The following GLIPR1L1 variants were observed in gnomAD, a reference collection of about 807,000 sequenced individuals.
GLIPR1L1 encodes the protein GLIPR1-like protein 1.
Under a neutral mutation model 29.9 loss-of-function variants are expected in GLIPR1L1, and 26 were observed. That is an observed-to-expected ratio of 0.87 (90% CI 0.64 to 1.21). The LOEUF (loss-of-function observed/expected upper bound fraction) is 1.21. Among genes scored for constraint, GLIPR1L1 ranks in the 50% most tolerant of loss-of-function variants. The pLI is 0.00. For missense variants in GLIPR1L1, 305 were observed against 290.3 expected, an observed-to-expected ratio of 1.05 and a Z score of -0.37; for synonymous variants, 77 against 97.5, an observed-to-expected ratio of 0.79 and a Z score of 1.24.
Position 75,334,825 on chromosome 12 carries a change from T to C in GLIPR1L1, c.97T>C (p.Phe33Leu). ...SKIPSITDPH[F>L]IDNCIEAHNE... ...AATCCCATCCATCACTGACCCACACTTTATAGACAACTGCATAGAAGCCCA... is the reference window on the plus strand; with the variant it reads ...AATCCCATCCATCACTGACCCACACCTTATAGACAACTGCATAGAAGCCCA... The change falls in exon 1 of 6, where the codon TTT (phenylalanine) becomes CTT (leucine). Residue 33 changes from phenylalanine to leucine, a missense_variant. Physicochemically the swap from Phe to Leu is conservative, Grantham distance 22. Transcript: ENST00000378695. 3 of 1,614,138 alleles carry C rather than the reference T, an allele frequency of 1.9e-6. No homozygotes were observed. Among genetic ancestry groups the C allele is most frequent in the Non-Finnish European group, 2.5e-6 (3 of 1,180,014 alleles).
At chr12:75,345,242 C>T (rs556463372) in intron 2 of GLIPR1L1, among the ~76,000 whole-genome samples, 1 of 152,178 alleles carries the variant, frequency 6.6e-6, no homozygotes, top group Admixed American at 6.5e-5. Context: ...GGCAATAAAC[C>T]AGGACAATTA....
rs190183716 is a variant in GLIPR1L1 at position 75,360,687 on chromosome 12, C to G, written c.522-2415C>G. 3 of 152,304 alleles carry G rather than the reference C, an allele frequency of 2.0e-5. No individual in the cohort carries two copies. The East Asian group carries it at 5.8e-4, about 29-fold the overall frequency. The allele number at this position is 152,304 out of a possible 1,614,324, so 9.4% of individuals were successfully genotyped here. A position where few individuals can be genotyped will look rare whatever the true frequency, so the allele number is the denominator to read the frequency against. On this transcript the variant is annotated intron_variant, in intron 3 of 5. Coordinates refer to ENST00000378695, the MANE Select transcript of GLIPR1L1 (RefSeq NM_001304964.2). ...TGGTGCAAGTTGTCATTTGATCTAC[C>G]ATTCTGAGGTCTGGAGAATGGTGGC...
intron 1 of GLIPR1L1, among the ~76,000 whole-genome samples, chr12:75,335,443 T>C (rs1229383428): frequency 6.6e-6 from 1 of 152,244 alleles, no homozygotes; most frequent in African/African-American, 2.4e-5. Flanking sequence ...TACAAAATTT[T>C]AAATACTTGA....
chr12:75,343,658 T>C (rs1314692147), intron 1 of GLIPR1L1, 35 bp from the exon 2 acceptor site: 9 of 1,492,674 alleles, frequency 6.0e-6, no homozygotes, highest in Middle Eastern at 1.9e-4. Context: ...CAAATACTTA[T>C]GCACAATTCA....
rs1566020847 is a variant in GLIPR1L1 at position 75,370,558 on chromosome 12, A to G, written c.*382A>G. On this transcript the variant is annotated 3_prime_UTR_variant, in exon 6 of 6. Transcript: ENST00000378695. ...ACCATCAACATCATTCAGAAACAAA[A>G]TGTTACTGAGGAAAGTTTTTTCAGA... 6.4e-6 allele frequency: 1 copy of G among 156,430 alleles called. No individual in the cohort carries two copies. The highest frequency in any genetic ancestry group is 1.4e-5 in the Non-Finnish European group (1 of 70,730). 9.7% of individuals were successfully genotyped at this position (156,430 alleles called of 1,614,324 possible).
At chr12:75,349,375 A>C (rs543671033) in intron 3 of GLIPR1L1, among the ~76,000 whole-genome samples, 3 of 152,330 alleles carry the variant, frequency 2.0e-5, no homozygotes, top group East Asian at 1.9e-4. Context: ...TAACAACAAC[A>C]ACAGCAAAAA....
In GLIPR1L1 at chr12:75,334,801, A is replaced by C; in HGVS notation, c.73A>C (p.Ile25Leu). Reference sequence around the variant, plus strand: ...TTTGGTAGCCACTACATCTTCCAAAATCCCATCCATCACTGACCCACACTT... The same window carrying C: ...TTTGGTAGCCACTACATCTTCCAAACTCCCATCCATCACTGACCCACACTT... ...LCLVATTSSKIPSITDPHFID... is the reference protein window; with the variant it reads ...LCLVATTSSKLPSITDPHFID... The change falls in exon 1 of 6, where the codon ATC becomes CTC. Residue 25 changes from isoleucine to leucine, a missense_variant. Coordinates refer to ENST00000378695, the MANE Select transcript of GLIPR1L1 (RefSeq NM_001304964.2). 4 of 1,614,114 alleles carry C rather than the reference A, an allele frequency of 2.5e-6. No individual in the cohort carries two copies. In the South Asian group the frequency reaches 3.3e-5, roughly 13 times the overall value.
intron 1 of GLIPR1L1, among the ~76,000 whole-genome samples, chr12:75,341,297 C>A (rs1317834178): frequency 6.6e-6 from 1 of 152,096 alleles, no homozygotes. Flanking sequence ...TACATCTATA[C>A]CATGGAATAT....
At chr12:75,341,566 C>A (rs2042112684) in intron 1 of GLIPR1L1, among the ~76,000 whole-genome samples, 1 of 151,952 alleles carries the variant, frequency 6.6e-6, no homozygotes. Context: ...CCTGCCTCAG[C>A]CTCCGGAGTA....
chr12:75,341,678 T>G (rs949307218), intron 1 of GLIPR1L1, among the ~76,000 whole-genome samples: 1 of 151,562 alleles, frequency 6.6e-6, no homozygotes, highest in Non-Finnish European at 1.5e-5. Context: ...GATCTCCTGA[T>G]CTCGTGATCC....
chr12:75,343,551 CTA>C lies in GLIPR1L1; in HGVS notation c.175-140_175-139del. The C allele has an allele frequency of 4.6e-6, 3 of 655,890 alleles. No individual in the cohort carries two copies. In the South Asian group the frequency reaches 6.7e-5, roughly 15 times the overall value. The allele number at this position is 655,890 out of a possible 1,614,324, so 40.6% of individuals were successfully genotyped here. ...AGTAGAACTAAAAAGAAATCACTAA[CTA>C]TGCACATAATAAATACCAAAGAAAA... On this transcript the variant is annotated intron_variant, in intron 1 of 5. Coordinates refer to ENST00000378695, the MANE Select transcript of GLIPR1L1 (RefSeq NM_001304964.2).
intron 3 of GLIPR1L1, among the ~76,000 whole-genome samples, chr12:75,356,330 T>G (rs1489646086): frequency 1.3e-5 from 2 of 152,124 alleles, no homozygotes; most frequent in Non-Finnish European, 2.9e-5. Flanking sequence ...GATGATAAGT[T>G]TGTGGATAAA....
At chr12:75,368,582 A>G (rs2139681446) in intron 4 of GLIPR1L1, among the ~76,000 whole-genome samples, 1 of 151,254 alleles carries the variant, frequency 6.6e-6, no homozygotes, top group Middle Eastern at 3.4e-3. Context: ...AGATGGCTAG[A>G]TCCTTGTTAA....
intron 4 of GLIPR1L1, among the ~76,000 whole-genome samples, chr12:75,368,859 T>G (rs757376275): frequency 6.6e-5 from 10 of 151,434 alleles, no homozygotes; most frequent in Non-Finnish European, 8.9e-5. Context: ...ATTACTAATT[T>G]TTTTCATCAT....
intron 2 of GLIPR1L1, among the ~76,000 whole-genome samples, chr12:75,344,634 G>T (rs542240949): frequency 6.6e-6 from 1 of 152,060 alleles, no homozygotes; most frequent in African/African-American, 2.4e-5. Context: ...TCTTCATTAT[G>T]AATCGAATTT....
intron 1 of GLIPR1L1, among the ~76,000 whole-genome samples, chr12:75,341,558 T>C (rs545850833): frequency 1.3e-5 from 2 of 152,032 alleles, no homozygotes; most frequent in Non-Finnish European, 2.9e-5. Context: ...GCCATTCTCC[T>C]GCCTCAGCCT....
intron 3 of GLIPR1L1, among the ~76,000 whole-genome samples, chr12:75,357,713 T>A (rs1338907914): frequency 6.6e-6 from 1 of 152,036 alleles, no homozygotes; most frequent in Non-Finnish European, 1.5e-5. Context: ...CATTGTCCAA[T>A]GTCCAATGTC....
chr12:75,364,025 T>C (rs1329218621), intron 4 of GLIPR1L1, among the ~76,000 whole-genome samples: 5 of 152,120 alleles, frequency 3.3e-5, no homozygotes, highest in Admixed American at 2.6e-4. Context: ...AATACCTCGG[T>C]TAAGATAAGG....
At chr12:75,350,881 G>A (rs1218168702) in intron 3 of GLIPR1L1, among the ~76,000 whole-genome samples, 1 of 152,158 alleles carries the variant, frequency 6.6e-6, no homozygotes, top group Non-Finnish European at 1.5e-5. Context: ...TTCAGAAGAT[G>A]CATAATAATG....
Sources: allele counts gnomAD v4.1 joint callset (sites outside exome capture counted in the v4.1 genomes callset), GRCh38; gene constraint gnomAD v4.1.1; transcripts MANE v1.5; gene names NCBI Gene and HGNC (gene_info 2026-07-23, HGNC 2026-07-21).